Variants in KAT6B observed in about 807,000 individuals in gnomAD.
The protein encoded by KAT6B is lysine acetyltransferase 6B.
KAT6B carries 10 observed loss-of-function variants against 187.5 expected under a neutral mutation model. That is an observed-to-expected ratio of 0.05 (90% CI 0.03 to 0.09). The LOEUF (loss-of-function observed/expected upper bound fraction) is 0.09. Among genes scored for constraint, KAT6B ranks in the 10% least tolerant of loss-of-function variants. KAT6B has a pLI of 1.00. For synonymous variants in KAT6B, 861 were observed against 926.8 expected (o/e 0.93, Z 1.29); for missense variants, 1,952 against 2,558.9 (o/e 0.76, Z 5.12).
At chr10:74,867,943 A>G (rs1009418188) in intron 3 of KAT6B, among the ~76,000 whole-genome samples, 3 of 152,238 alleles carry the variant, frequency 2.0e-5, no homozygotes, top group South Asian at 2.1e-4. Flanking sequence ...TTTTTGCTCA[A>G]TTAACTAAAT....
chr10:75,028,755 G>T lies in KAT6B; in HGVS notation c.3931G>T (p.Val1311Phe), dbSNP rs142230616. The T allele has an allele frequency of 6.2e-7, 1 of 1,613,998 alleles. No individual in the cohort carries two copies. Among genetic ancestry groups the T allele is most frequent in the African/African-American group, 1.3e-5 (1 of 74,932 alleles). Residue 1311 changes from valine (V) to phenylalanine (F), a missense_variant, in exon 18 of 18, where the codon GTC (valine) becomes TTC (phenylalanine). Transcript: ENST00000287239. ...SPSPIRIEEE[V>F]KETGEALLPQ... ...CAGTCCCATCAGGATTGAGGAGGAG[G>T]TCAAGGAAACTGGGGAAGCCCTGTT...
chr10:74,967,036 A>G (rs1354694899), intron 4 of KAT6B, among the ~76,000 whole-genome samples: 1 of 151,062 alleles, frequency 6.6e-6, no homozygotes, highest in Non-Finnish European at 1.5e-5. Flanking sequence ...TCTCAAAAAT[A>G]AAAAAATAGG....
chr10:74,982,225 TCTA>T (rs1444998541), intron 11 of KAT6B: 1 of 353,940 alleles, frequency 2.8e-6, no homozygotes, highest in Non-Finnish European at 5.3e-6. Context: ...CTTTGTAAAT[TCTA>T]CTTTCTTTGG....
chr10:74,861,890 A>T (rs1251189638), intron 3 of KAT6B, among the ~76,000 whole-genome samples: 1 of 152,200 alleles, frequency 6.6e-6, no homozygotes, highest in African/African-American at 2.4e-5. Context: ...ATAGTCTGAG[A>T]TTTACAGTAC....
At chr10:74,887,995 A>AG (rs1364524508) in intron 3 of KAT6B, among the ~76,000 whole-genome samples, 1 of 152,132 alleles carries the variant, frequency 6.6e-6, no homozygotes, top group Non-Finnish European at 1.5e-5. Context: ...GGAAAAAAAA[A>AG]GAGAACTGGC....
intron 3 of KAT6B, among the ~76,000 whole-genome samples, chr10:74,925,501 A>G (rs533245968): frequency 7.0e-6 from 1 of 141,948 alleles, no homozygotes; most frequent in East Asian, 2.1e-4. Context: ...TTTCTTTTCC[A>G]TAATCCAGAA....
intron 16 of KAT6B, among the ~76,000 whole-genome samples, chr10:75,024,752 A>G (rs374248529): frequency 3.9e-5 from 6 of 152,332 alleles, no homozygotes; most frequent in East Asian, 1.9e-4. Context: ...TGAGTAAACA[A>G]CTGTTTTATT....
intron 3 of KAT6B, among the ~76,000 whole-genome samples, chr10:74,958,729 G>A (rs1009519228): frequency 1.3e-5 from 2 of 152,024 alleles, no homozygotes; most frequent in Non-Finnish European, 2.9e-5. Context: ...CAAATGTTTT[G>A]TTGTTTCTTA....
Position 75,030,936 on chromosome 10 carries a change from A to G in KAT6B, c.6112A>G (p.Met2038Val), listed in dbSNP as rs1265658401. Residue 2038 changes from methionine (M) to valine (V), a missense_variant, in exon 18 of 18, where the codon ATG (methionine) becomes GTG (valine). Physicochemically the swap from Met to Val is conservative, Grantham distance 21. This residue lies in a region of KAT6B where 358 missense variants were observed against 436.3 expected (regional missense o/e 0.82). Coordinates refer to ENST00000287239, the MANE Select transcript of KAT6B (RefSeq NM_012330.4). The surrounding 1 kb of genome is among the most constrained non-coding windows in gnomAD (Gnocchi z 4.8). ...MGTQPYAQQP[M>V]QTPPHGNMMY... is the part of the protein sequence containing the mutation. ...CACCCAGCCATATGCCCAGCAGCCA[A>G]TGCAGACCCCACCCCACGGTAACAT... The G allele has an allele frequency of 1.2e-6, 2 of 1,614,186 alleles. No individual in the cohort carries two copies. The highest frequency in any genetic ancestry group is 1.7e-5 in the Admixed American group (1 of 60,022).
chr10:74,957,470 A>C (rs1589702338), intron 3 of KAT6B, among the ~76,000 whole-genome samples: 1 of 152,242 alleles, frequency 6.6e-6, no homozygotes, highest in Non-Finnish European at 1.5e-5. Flanking sequence ...AACTACTAGC[A>C]ACCTTTGTCC....
chr10:74,898,704 G>A (rs932068060), intron 3 of KAT6B, among the ~76,000 whole-genome samples: 1 of 152,076 alleles, frequency 6.6e-6, no homozygotes, highest in African/African-American at 2.4e-5. Context: ...GTGTCCCATG[G>A]TTTTCCTACT....
intron 2 of KAT6B, among the ~76,000 whole-genome samples, chr10:74,840,270 A>G (rs570024598): frequency 3.3e-5 from 5 of 152,346 alleles, no homozygotes; most frequent in Non-Finnish European, 7.3e-5. Context: ...ACCAAGAGAA[A>G]GTGGTGCTTT....
chr10:75,014,515 G>A (rs563741801), intron 13 of KAT6B, among the ~76,000 whole-genome samples: 2 of 152,028 alleles, frequency 1.3e-5, no homozygotes, highest in African/African-American at 2.4e-5. Flanking sequence ...TCTTTTAGAT[G>A]AATTAATAAA....
chr10:74,915,660 T>A (rs1847620146), intron 3 of KAT6B, among the ~76,000 whole-genome samples: 1 of 152,246 alleles, frequency 6.6e-6, no homozygotes, highest in East Asian at 1.9e-4. Context: ...ATTTCTAGAA[T>A]GAAAGAGTGC....
At chr10:74,976,601 G>A in intron 8 of KAT6B, 1 of 509,626 alleles carries the variant, frequency 2.0e-6, no homozygotes, top group Non-Finnish European at 3.6e-6. Context: ...TGCCTTCATA[G>A]CATTGCTTAT....
intron 13 of KAT6B, among the ~76,000 whole-genome samples, chr10:75,013,504 A>C (rs372251499): frequency 2.0e-5 from 3 of 152,114 alleles, no homozygotes; most frequent in Non-Finnish European, 2.9e-5. Context: ...AAAAGTAGGA[A>C]AACAAAGTTA....
intron 3 of KAT6B, among the ~76,000 whole-genome samples, chr10:74,921,098 T>C (rs888135740): frequency 2.0e-5 from 3 of 150,566 alleles, no homozygotes; most frequent in Non-Finnish European, 2.9e-5. Context: ...TATGGGTCAC[T>C]GTAGTCTAAA....
chr10:74,868,475 T>G (rs1346778583), intron 3 of KAT6B, among the ~76,000 whole-genome samples: 1 of 152,216 alleles, frequency 6.6e-6, no homozygotes, highest in Non-Finnish European at 1.5e-5. Context: ...ATTTCTCTTC[T>G]CAGAGATTTT....
chr10:74,960,856 C>T (rs1239886982), intron 4 of KAT6B, among the ~76,000 whole-genome samples: 3 of 152,168 alleles, frequency 2.0e-5, no homozygotes, highest in Non-Finnish European at 2.9e-5. Flanking sequence ...TATGGTTTAG[C>T]ATGTTTGATA....
Sources: gnomAD v4.1 joint callset for allele counts (sites outside exome capture counted in the v4.1 genomes callset) on GRCh38, gnomAD v4.1.1 for gene constraint, gnomAD v4.1.1 regional missense constraint, Gnocchi (gnomAD v3.1) non-coding constraint, MANE v1.5 for transcripts, NCBI Gene and HGNC (gene_info 2026-07-23, HGNC 2026-07-21) for gene names.